The following LAMA3 variants were observed in gnomAD, a reference collection of about 807,000 sequenced individuals.
LAMA3 encodes the protein laminin subunit alpha 3.
LAMA3 carries 281 observed loss-of-function variants against 402.0 expected under a neutral mutation model. The observed-to-expected ratio is 0.70, with a 90% confidence interval of 0.63 to 0.77. The LOEUF is 0.77. LAMA3 is among the 30% of genes least tolerant of loss of function. The probability of loss-of-function intolerance (pLI) is 0.00; values close to 1 mark genes in which losing one functional copy is unlikely to be tolerated. For synonymous variants in LAMA3, 1,431 were observed against 1,558.4 expected, an observed-to-expected ratio of 0.92 and a Z score of 1.93; for missense variants, 3,840 against 4,215.5, an observed-to-expected ratio of 0.91 and a Z score of 2.47.
At chr18:23,756,329 G>A (rs1406710343) in intron 6 of LAMA3, among the ~76,000 whole-genome samples, 1 of 151,530 alleles carries the variant, frequency 6.6e-6, no homozygotes, top group South Asian at 2.1e-4. Context: ...TAATAGTCTC[G>A]GGTCTTTATT....
chr18:23,871,704 T>A, intron 38 of LAMA3, 43 bp downstream of exon 38: 1 of 1,497,226 alleles, frequency 6.7e-7, no homozygotes. Context: ...AGGGAGCTCC[T>A]GTGGCCGTTT....
At position 23,747,558 on chromosome 18, in the gene LAMA3, T is replaced by A. The variant is rs939442803; in HGVS notation, c.448-385T>A. Among the ~76,000 whole-genome samples the A allele has an allele frequency of 3.9e-5, 6 of 152,198 alleles. No homozygotes were observed. In the East Asian group the frequency reaches 1.2e-3, roughly 29 times the overall value. Reference sequence around the variant, plus strand: ...GTTAGGACACTGCTGGGAAACACTCTGGGCTGTTCTCCTGGTTCTTGGCCC... The same window carrying A: ...GTTAGGACACTGCTGGGAAACACTCAGGGCTGTTCTCCTGGTTCTTGGCCC... On this transcript the variant is annotated intron_variant, in intron 2 of 74. Coordinates refer to ENST00000313654, the MANE Select transcript of LAMA3 (RefSeq NM_198129.4).
In LAMA3 at chr18:23,837,051, G is replaced by A. The variant is rs2063596797; in HGVS notation, c.3055G>A (p.Asp1019Asn). ...IAMYELLADADIQLKGHMARF... is the reference protein window; with the variant it reads ...IAMYELLADANIQLKGHMARF... The stretch of plus-strand genomic sequence containing the variant: ...CATGTATGAGCTATTGGCAGATGCA[G>A]ACATTCAGCTCAAGGGACACATGGC... The change falls in exon 25 of 75, where the codon GAC (aspartate) becomes AAC (asparagine). Residue 1019 changes from aspartate (D) to asparagine (N), a missense_variant. Asp to Asn is a conservative substitution (Grantham distance 23). This residue lies in a region of LAMA3 where 2,109 missense variants were observed against 2,376.0 expected (regional missense o/e 0.89). Coordinates refer to ENST00000313654, the MANE Select transcript of LAMA3 (RefSeq NM_198129.4). 6.2e-7 allele frequency: 1 copy of A among 1,613,764 alleles called. No homozygotes were observed. The highest frequency in any genetic ancestry group is 1.7e-5 in the Admixed American group (1 of 60,006).
At chr18:23,801,366 G>A (rs1014104877) in intron 12 of LAMA3, among the ~76,000 whole-genome samples, 2 of 152,026 alleles carry the variant, frequency 1.3e-5, no homozygotes, top group African/African-American at 2.4e-5. Flanking sequence ...GTACCTGGGC[G>A]ATTTTTTGGT....
At position 23,911,485 on chromosome 18, in the gene LAMA3, A is replaced by G. The variant is rs954637492; in HGVS notation, c.7159-1226A>G. ...TTTGAACAATTTGAATTGCCTCAACATGCAAGCATGTGATCGGTGGGCTTG... is the reference window on the plus strand; with the variant it reads ...TTTGAACAATTTGAATTGCCTCAACGTGCAAGCATGTGATCGGTGGGCTTG... On this transcript the variant is annotated intron_variant, in intron 55 of 74. Transcript: ENST00000313654. 2.2e-4 allele frequency among the ~76,000 whole-genome samples: 34 copies of G among 152,176 alleles called. 1 individual carries two copies. The highest frequency in any genetic ancestry group is 2.5e-4 in the Non-Finnish European group (17 of 68,036).
At chr18:23,841,899 G>A (rs1479768574) in intron 27 of LAMA3, among the ~76,000 whole-genome samples, 1 of 152,010 alleles carries the variant, frequency 6.6e-6, no homozygotes. Flanking sequence ...TCCAGCCTGG[G>A]TGACAGAGTG....
chr18:23,914,380 A>G lies in LAMA3; in HGVS notation c.7330-30A>G, dbSNP rs200551218. The G allele has an allele frequency of 3.3e-4, 537 of 1,613,660 alleles. 3 individuals are homozygous for G. The highest frequency in any genetic ancestry group is 3.3e-4 in the Admixed American group (20 of 59,996). ...TGGGAATTTGAGAAACCACAATGTGAAGTGTTCTGAGGTGGCCCTTTGTCT... is the reference window on the plus strand; with the variant it reads ...TGGGAATTTGAGAAACCACAATGTGGAGTGTTCTGAGGTGGCCCTTTGTCT... On this transcript the variant is annotated intron_variant, in intron 56 of 74. Coordinates refer to ENST00000313654, the MANE Select transcript of LAMA3 (RefSeq NM_198129.4).
At chr18:23,863,362 T>C (rs2064272067) in intron 35 of LAMA3, among the ~76,000 whole-genome samples, 1 of 152,160 alleles carries the variant, frequency 6.6e-6, no homozygotes. Flanking sequence ...GGAGAATCAT[T>C]TGAACCTGGG....
chr18:23,920,798 C>G, intron 60 of LAMA3, 137 bp from the exon 61 acceptor site: 1 of 995,772 alleles, frequency 1.0e-6, no homozygotes, highest in Non-Finnish European at 1.6e-6. Context: ...GTTGCTGTTG[C>G]AGCACCATTA....
rs926033763 is a variant in LAMA3, at chr18:23,885,351, C to A, written c.5303+498C>A. Among the ~76,000 whole-genome samples, 16 of 145,550 alleles carry A rather than the reference C, an allele frequency of 1.1e-4. 1 individual carries two copies. The highest frequency in any genetic ancestry group is 3.8e-4 in the African/African-American group (15 of 39,678). On this transcript the variant is annotated intron_variant, in intron 41 of 74. Coordinates refer to ENST00000313654, the MANE Select transcript of LAMA3 (RefSeq NM_198129.4). ...CCCCACCCCCCCACCCCCACCCCCA[C>A]CCCACACACACCCCTCTATCCCCAC...
chr18:23,862,048 T>C (rs555516588), intron 35 of LAMA3, among the ~76,000 whole-genome samples: 1 of 152,308 alleles, frequency 6.6e-6, no homozygotes, highest in East Asian at 1.9e-4. Flanking sequence ...ACCCACAATG[T>C]TTTTCTCAGT....
chr18:23,869,465 T>G (rs1294984928), intron 37 of LAMA3, among the ~76,000 whole-genome samples: 1 of 152,204 alleles, frequency 6.6e-6, no homozygotes, highest in Non-Finnish European at 1.5e-5. Context: ...GTTCTAAAAT[T>G]ACATTATGAT....
chr18:23,954,282 G>C (rs1007386793), intron 74 of LAMA3, among the ~76,000 whole-genome samples: 3 of 151,446 alleles, frequency 2.0e-5, no homozygotes, highest in African/African-American at 7.3e-5. Context: ...CACACCTCTA[G>C]TCCTGGCTAC....
rs1306479232 is a variant in LAMA3 at position 23,839,547 on chromosome 18, A to T, written c.3192-238A>T. ...GTTTCCATAAGTTTCTATCTAACTTACTTTACTTCAAAATTAAGATTCTCT... is the reference window on the plus strand; with the variant it reads ...GTTTCCATAAGTTTCTATCTAACTTTCTTTACTTCAAAATTAAGATTCTCT... On this transcript the variant is annotated intron_variant, in intron 26 of 74. Transcript: ENST00000313654. The surrounding 1 kb of genome is among the most constrained non-coding windows in gnomAD (Gnocchi z 4.5). 6.6e-6 allele frequency among the ~76,000 whole-genome samples: 1 copy of T among 152,214 alleles called. No homozygotes were observed. The highest frequency in any genetic ancestry group is 6.5e-5 in the Admixed American group (1 of 15,280).
chr18:23,825,882 A>G (rs1200059370), intron 21 of LAMA3, among the ~76,000 whole-genome samples: 1 of 152,156 alleles, frequency 6.6e-6, no homozygotes, highest in Non-Finnish European at 1.5e-5. Context: ...AGTCATGAGG[A>G]GAGAGGAGAC....
chr18:23,932,172 C>T lies in LAMA3; in HGVS notation c.8589C>T (p.Leu2863=), dbSNP rs2145406424. 11 of 1,614,062 alleles carry T rather than the reference C, an allele frequency of 6.8e-6. No individual in the cohort carries two copies. The highest frequency in any genetic ancestry group is 9.3e-6 in the Non-Finnish European group (11 of 1,179,910). The change falls in exon 66 of 75, where the codon CTC becomes CTT. Residue 2863 remains leucine (L), a synonymous_variant. Coordinates refer to ENST00000313654, the MANE Select transcript of LAMA3 (RefSeq NM_198129.4). ...TCTTCCCTTTCAGACTACGGCTTCT[C>T]ATCGATGACCAGCTTCTGAGAAATA... The part of the protein sequence containing the change: ...VISDNSGLRL[L]IDDQLLRNSK...
chr18:23,934,374 A>G (rs1161629339), intron 67 of LAMA3, among the ~76,000 whole-genome samples: 5 of 151,972 alleles, frequency 3.3e-5, no homozygotes, highest in African/African-American at 1.2e-4. Flanking sequence ...GAGCTTTAAC[A>G]CCCCAATGCT....
Position 23,836,962 on chromosome 18 carries a change from A to G in LAMA3, c.2985-19A>G, listed in dbSNP as rs28550711. 5.4e-4 allele frequency: 861 copies of G among 1,598,458 alleles called. 10 individuals are homozygous for G. The African/African-American group carries it at 0.011, about 20-fold the overall frequency. Reference sequence around the variant, plus strand: ...AGATGCCGGGAGTCAGGCTAAGAAAACTCTGTTTTCTCTTGCAGTGTTCTC... The same window carrying G: ...AGATGCCGGGAGTCAGGCTAAGAAAGCTCTGTTTTCTCTTGCAGTGTTCTC... On this transcript the variant is annotated intron_variant, in intron 24 of 74. Transcript: ENST00000313654.
intron 1 of LAMA3, among the ~76,000 whole-genome samples, chr18:23,697,392 A>G (rs1415620201): frequency 1.3e-5 from 2 of 152,258 alleles, no homozygotes; most frequent in East Asian, 3.9e-4. Flanking sequence ...CGCAGGCTGT[A>G]CTGGCTCAGG....
Sources: gnomAD v4.1 joint callset for allele counts (sites outside exome capture counted in the v4.1 genomes callset) on GRCh38, gnomAD v4.1.1 for gene constraint, gnomAD v4.1.1 regional missense constraint, Gnocchi (gnomAD v3.1) non-coding constraint, MANE v1.5 for transcripts, NCBI Gene and HGNC (gene_info 2026-07-23, HGNC 2026-07-21) for gene names.